ZNF717: variants seen among roughly 807,000 people sequenced by gnomAD.
ZNF717 encodes the protein zinc finger protein 717, also known as krueppel-like factor X17.
Under a neutral mutation model 13.8 loss-of-function variants are expected in ZNF717, and 9 were observed. The ratio of observed to expected loss-of-function variants is 0.65; its 90% CI spans 0.39 to 1.14. ZNF717 has a LOEUF of 1.14. Ranked by LOEUF, ZNF717 falls within the 50% of genes most tolerant of loss-of-function variation. The pLI, the probability that ZNF717 is intolerant of heterozygous loss-of-function variation, is 0.01. For missense variants in ZNF717, 1,040 were observed against 1,080.7 expected (o/e 0.96, Z 0.53); for synonymous variants, 327 against 364.1 (o/e 0.90, Z 1.16).
intron 5 of ZNF717, among the ~76,000 whole-genome samples, chr3:75,714,158 C>T (rs1386236289): frequency 3.3e-5 from 5 of 152,014 alleles, no homozygotes; most frequent in African/African-American, 7.3e-5. Flanking sequence ...CGGATAACTG[C>T]GGTGGGCCTG....
Position 75,738,634 on chromosome 3 carries a change from T to G in ZNF717, c.989A>C (p.Gln330Pro). The G allele has an allele frequency of 6.4e-7, 1 of 1,552,974 alleles. No individual in the cohort carries two copies. Among genetic ancestry groups the G allele is most frequent in the Non-Finnish European group, 8.7e-7 (1 of 1,147,892 alleles). The change falls in exon 5 of 5, where the codon CAG becomes CCG. Residue 330 changes from glutamine to proline, a missense_variant. This residue lies in a region of ZNF717 where 873 missense variants were observed against 832.8 expected (regional missense o/e 1.05). Coordinates refer to ENST00000652011, the MANE Select transcript of ZNF717 (RefSeq NM_001290208.3). ...FSYKSSLIIH[Q>P]RIHTGEKPYG... The stretch of plus-strand genomic sequence containing the variant: ...GGGCTTTTCCCCTGTGTGAATTCTC[T>G]GATGGATAATGAGGCTGGACTTATA...
intron 4 of ZNF717, among the ~76,000 whole-genome samples, chr3:75,719,935 G>T (rs796616671): frequency 1.3e-5 from 2 of 150,456 alleles, no homozygotes; most frequent in African/African-American, 4.9e-5. Flanking sequence ...TCCAGCCTGG[G>T]CAATAAGAGT....
intron 2 of ZNF717, among the ~76,000 whole-genome samples, chr3:75,761,419 T>A (rs1943002129): frequency 6.6e-6 from 1 of 152,238 alleles, no homozygotes. Context: ...ACAGCTAACA[T>A]CATACTCAAT....
rs533239502 is a variant in ZNF717, at chr3:75,739,106, C to A, written c.517G>T (p.Glu173Ter). 18 of 1,551,400 alleles carry A rather than the reference C, an allele frequency of 1.2e-5. No homozygotes were observed. In the African/African-American group the frequency reaches 1.5e-4, roughly 13 times the overall value. ...TGAGGTTTCTCTCCAGACTGTGTCT[C>A]CCCAGGCTTAATAGGGAAAAGCATG... ...QNMLFPIKPG[E>*]TQSGEKPHVC... is the part of the protein sequence containing the mutation. The change falls in exon 5 of 5, where the codon GAG (glutamate) becomes TAG (stop). Residue 173 changes from glutamate to a stop codon, truncating the protein, a stop_gained. Coordinates refer to ENST00000652011, the MANE Select transcript of ZNF717 (RefSeq NM_001290208.3). LOFTEE classifies it low-confidence loss of function (END_TRUNC).
intron 4 of ZNF717, among the ~76,000 whole-genome samples, chr3:75,740,731 T>A (rs1196183292): frequency 6.6e-6 from 1 of 151,432 alleles, no homozygotes; most frequent in Non-Finnish European, 1.5e-5. Context: ...CTTGGGAGGC[T>A]AGGGTGTGAG....
exon 6 of ZNF717, chr3:75,711,001 T>G (rs1937926609): frequency 6.6e-6 from 1 of 152,218 alleles, no homozygotes; most frequent in Non-Finnish European, 1.5e-5. Context: ...TTTTTGGGCC[T>G]GCCAGGAAGT....
At chr3:75,707,516 G>A (rs1254737322), downstream of ZNF717, among the ~76,000 whole-genome samples, 23 of 151,434 alleles carry the variant, frequency 1.5e-4, no homozygotes, top group African/African-American at 5.2e-4. Context: ...ACAGCTCCCA[G>A]CATGAACGAC....
intron 2 of ZNF717, among the ~76,000 whole-genome samples, chr3:75,771,769 C>T (rs1480139484): frequency 1.3e-5 from 2 of 152,256 alleles, no homozygotes; most frequent in African/African-American, 2.4e-5. Flanking sequence ...CCAGGCACAG[C>T]TGCAGCCATC....
At chr3:75,740,551 C>G (rs78423507) in intron 4 of ZNF717, among the ~76,000 whole-genome samples, 156 of 126,986 alleles carry the variant, frequency 1.2e-3, no homozygotes, top group Middle Eastern at 4.4e-3. Context: ...ATTACAAACC[C>G]TTGTCACCGT....
intron 4 of ZNF717, among the ~76,000 whole-genome samples, chr3:75,720,166 A>C (rs1938140899): frequency 6.6e-6 from 1 of 152,032 alleles, no homozygotes; most frequent in African/African-American, 2.4e-5. Flanking sequence ...AAAGAAAATA[A>C]ATTATAATTA....
downstream of ZNF717, among the ~76,000 whole-genome samples, chr3:75,732,375 A>C (rs2918501): frequency 0.34 from 50,752 of 149,204 alleles, 4,960 homozygotes; most frequent in South Asian, 0.48. Context: ...AATGAGGCCC[A>C]GTCGTAAGAC....
downstream of ZNF717, among the ~76,000 whole-genome samples, chr3:75,708,333 T>TGCTGTTCTACAGCCACC (rs1937847716): frequency 6.6e-6 from 1 of 151,774 alleles, no homozygotes; most frequent in Non-Finnish European, 1.5e-5. Context: ...CTGCAGCCAC[T>TGCTGTTCTACAGCCACC]GCTGCTGATA....
intron 2 of ZNF717, among the ~76,000 whole-genome samples, chr3:75,768,988 G>A (rs1234206029): frequency 1.3e-5 from 2 of 152,210 alleles, no homozygotes; most frequent in South Asian, 2.1e-4. Context: ...GGGCTCTTGA[G>A]AGGGGCAAAG....
Position 75,737,388 on chromosome 3 carries a change from G to A in ZNF717, c.2235C>T (p.Leu745=). ...NVEKPCQKSV[L]TVHHRTHTGE... The stretch of plus-strand genomic sequence containing the variant: ...CGGTATGGGTTCTATGATGTACAGT[G>A]AGGACTGACTTCTGACAAGGTTTTT... Residue 745 remains leucine, a synonymous_variant, in exon 5 of 5, where the codon CTC becomes CTT. Coordinates refer to ENST00000652011, the MANE Select transcript of ZNF717 (RefSeq NM_001290208.3). 3.9e-6 allele frequency: 6 copies of A among 1,553,062 alleles called. No individual in the cohort carries two copies. The highest frequency in any genetic ancestry group is 5.2e-6 in the Non-Finnish European group (6 of 1,147,842).
At chr3:75,709,014 T>G (rs533131065), downstream of ZNF717, among the ~76,000 whole-genome samples, 1 of 151,582 alleles carries the variant, frequency 6.6e-6, no homozygotes, top group East Asian at 1.9e-4. Context: ...TTTCTTTTTT[T>G]TTTTTAGATG....
At chr3:75,751,995 C>T (rs1300162294) in intron 2 of ZNF717, among the ~76,000 whole-genome samples, 1 of 151,532 alleles carries the variant, frequency 6.6e-6, no homozygotes, top group African/African-American at 2.4e-5. Flanking sequence ...TTGTCCTTCA[C>T]ATATGATTCC....
chr3:75,742,981 A>G (rs1355643519), intron 2 of ZNF717, among the ~76,000 whole-genome samples: 1 of 152,250 alleles, frequency 6.6e-6, no homozygotes, highest in Non-Finnish European at 1.5e-5. Context: ...TGATGATGAA[A>G]CATACACAGA....
intron 2 of ZNF717, among the ~76,000 whole-genome samples, chr3:75,768,599 TGG>T: frequency 2.0e-5 from 2 of 97,574 alleles, no homozygotes; most frequent in Admixed American, 1.3e-4. Context: ...CGGCTGAGTG[TGG>T]GAGGGGGGTA....
intron 2 of ZNF717, among the ~76,000 whole-genome samples, chr3:75,778,517 G>A (rs1250959953): frequency 3.3e-5 from 5 of 151,404 alleles, no homozygotes; most frequent in African/African-American, 9.7e-5. Context: ...AACAATGGCA[G>A]TGACGTGCTA....
Sources: gnomAD v4.1 joint callset for allele counts (sites outside exome capture counted in the v4.1 genomes callset) on GRCh38, gnomAD v4.1.1 for gene constraint, gnomAD v4.1.1 regional missense constraint, MANE v1.5 for transcripts, NCBI Gene and HGNC (gene_info 2026-07-23, HGNC 2026-07-21) for gene names.